BMPR1A: variants seen among roughly 807,000 people sequenced by gnomAD.
BMPR1A encodes the protein bone morphogenetic protein receptor type-1A.
A neutral mutation model predicts 66.0 loss-of-function variants in BMPR1A; 7 were observed. The observed-to-expected ratio is 0.11, with a 90% CI of 0.06 to 0.20. BMPR1A has a LOEUF of 0.20. Among genes scored for constraint, BMPR1A ranks in the 10% least tolerant of loss-of-function variants. The probability of loss-of-function intolerance (pLI) is 1.00; values close to 1 mark genes in which losing one functional copy is unlikely to be tolerated. For missense variants in BMPR1A, 408 were observed against 669.1 expected, an observed-to-expected ratio of 0.61 and a Z score of 4.31; for synonymous variants, 200 against 229.7, an observed-to-expected ratio of 0.87 and a Z score of 1.17.
intron 2 of BMPR1A, among the ~76,000 whole-genome samples, chr10:86,873,799 A>C (rs1331974945): frequency 6.6e-6 from 1 of 152,236 alleles, no homozygotes; most frequent in Non-Finnish European, 1.5e-5. Flanking sequence ...CATGTGGCAG[A>C]CATTATTCTA....
intron 1 of BMPR1A, among the ~76,000 whole-genome samples, chr10:86,806,439 A>G (rs1408850128): frequency 6.6e-6 from 1 of 152,136 alleles, no homozygotes; most frequent in Non-Finnish European, 1.5e-5. Flanking sequence ...TTCTACATTT[A>G]TCATTCTGAA....
At chr10:86,898,274 A>T (rs895848849) in intron 5 of BMPR1A, among the ~76,000 whole-genome samples, 25 of 151,936 alleles carry the variant, frequency 1.6e-4, no homozygotes, top group African/African-American at 6.0e-4. Context: ...ATATATAAAC[A>T]TATATACATG....
intron 1 of BMPR1A, among the ~76,000 whole-genome samples, chr10:86,828,669 G>A (rs1842228769): frequency 6.6e-6 from 1 of 152,090 alleles, no homozygotes; most frequent in Non-Finnish European, 1.5e-5. Flanking sequence ...TGAATTAACA[G>A]TAGAAATTTA....
intron 5 of BMPR1A, 65 bp downstream of exon 5, chr10:86,892,294 C>T: frequency 7.5e-7 from 1 of 1,327,096 alleles, no homozygotes. Flanking sequence ...ATCGATTTCC[C>T]CCAGGAGAAA....
At chr10:86,879,780 T>G (rs1410113216) in intron 3 of BMPR1A, among the ~76,000 whole-genome samples, 1 of 152,202 alleles carries the variant, frequency 6.6e-6, no homozygotes, top group Non-Finnish European at 1.5e-5. Flanking sequence ...CAATTATCAG[T>G]GCACAGTATA....
At chr10:86,917,667 A>C (rs1843595437) in intron 9 of BMPR1A, among the ~76,000 whole-genome samples, 1 of 152,194 alleles carries the variant, frequency 6.6e-6, no homozygotes, top group South Asian at 2.1e-4. Context: ...CATAAGCTCA[A>C]CAGCCCAACA....
At chr10:86,902,469 A>C (rs1463103500) in intron 7 of BMPR1A, among the ~76,000 whole-genome samples, 1 of 152,070 alleles carries the variant, frequency 6.6e-6, no homozygotes, top group Non-Finnish European at 1.5e-5. Flanking sequence ...ATAGTAAAGA[A>C]CCCTATCAGC....
intron 5 of BMPR1A, among the ~76,000 whole-genome samples, chr10:86,894,651 A>G (rs1358962654): frequency 1.3e-5 from 2 of 152,208 alleles, no homozygotes; most frequent in African/African-American, 2.4e-5. Context: ...TATATACTAT[A>G]TATGTGAACC....
At chr10:86,795,700 A>T (rs1028567883) in intron 1 of BMPR1A, among the ~76,000 whole-genome samples, 2 of 152,144 alleles carry the variant, frequency 1.3e-5, no homozygotes, top group Non-Finnish European at 2.9e-5. Flanking sequence ...GAAGAGTACC[A>T]TTTTAACTTA....
At chr10:86,846,693 T>C (rs1842488647) in intron 2 of BMPR1A, among the ~76,000 whole-genome samples, 1 of 151,956 alleles carries the variant, frequency 6.6e-6, no homozygotes, top group African/African-American at 2.4e-5. Flanking sequence ...GAAGCAAGAC[T>C]CTGTCCCCCG....
chr10:86,799,512 T>TCC (rs747064378), intron 1 of BMPR1A, among the ~76,000 whole-genome samples: 7,415 of 59,380 alleles, frequency 0.12, 318 homozygotes, highest in Non-Finnish European at 0.14. Context: ...CTTCCTTTCT[T>TCC]TTCTTTTCTT....
intron 5 of BMPR1A, among the ~76,000 whole-genome samples, chr10:86,893,135 T>C (rs1056076359): frequency 3.9e-5 from 6 of 152,130 alleles, no homozygotes; most frequent in African/African-American, 1.4e-4. Context: ...ATTATAAAAT[T>C]TACTGAGAAG....
chr10:86,892,039 C>T (rs1843156993), intron 4 of BMPR1A, 88 bp from the exon 5 acceptor site: 6 of 989,422 alleles, frequency 6.1e-6, no homozygotes, highest in Non-Finnish European at 9.4e-6. Flanking sequence ...TAAAGGCCAT[C>T]TGTACCTGTT....
chr10:86,804,421 G>A (rs1442230811), intron 1 of BMPR1A, among the ~76,000 whole-genome samples: 1 of 151,964 alleles, frequency 6.6e-6, no homozygotes, highest in East Asian at 1.9e-4. Context: ...TATATTTTTA[G>A]CAGAGATGGG....
intron 11 of BMPR1A, among the ~76,000 whole-genome samples, 183 bp downstream of exon 11, chr10:86,921,878 A>G (rs1321779462): frequency 1.3e-5 from 2 of 152,182 alleles, no homozygotes; most frequent in Admixed American, 1.3e-4. Context: ...GGAGAATTGG[A>G]TATCTGTCCC....
At chr10:86,886,630 C>T (rs1235137748) in intron 3 of BMPR1A, among the ~76,000 whole-genome samples, 3 of 152,048 alleles carry the variant, frequency 2.0e-5, no homozygotes, top group African/African-American at 2.4e-5. Context: ...ACAGAGTGGG[C>T]GCTGTCCCCT....
chr10:86,759,066 A>T (rs1196576340), intron 1 of BMPR1A, among the ~76,000 whole-genome samples: 1 of 152,218 alleles, frequency 6.6e-6, no homozygotes, highest in African/African-American at 2.4e-5. Context: ...ATATTATAAG[A>T]ACTTCAAATG....
At chr10:86,823,668 C>G (rs111817830) in intron 1 of BMPR1A, among the ~76,000 whole-genome samples, 6 of 152,258 alleles carry the variant, frequency 3.9e-5, no homozygotes, top group African/African-American at 9.6e-5. Flanking sequence ...CTTAGGGCAG[C>G]TGTATATTTG....
intron 1 of BMPR1A, among the ~76,000 whole-genome samples, chr10:86,838,254 G>T (rs1385210795): frequency 6.6e-6 from 1 of 151,912 alleles, no homozygotes; most frequent in Admixed American, 6.6e-5. Context: ...AATAATTTAA[G>T]CTTTAATAGT....
Sources: allele counts gnomAD v4.1 joint callset (sites outside exome capture counted in the v4.1 genomes callset), GRCh38; gene constraint gnomAD v4.1.1; transcripts MANE v1.5; gene names NCBI Gene and HGNC (gene_info 2026-07-23, HGNC 2026-07-21).